The following USP38 variants were observed in gnomAD, a reference collection of about 807,000 sequenced individuals.
USP38 encodes ubiquitin carboxyl-terminal hydrolase 38.
USP38 carries 49 observed loss-of-function variants against 94.3 expected under a neutral mutation model. The ratio of observed to expected loss-of-function variants is 0.52; its 90% CI spans 0.41 to 0.66. The LOEUF (loss-of-function observed/expected upper bound fraction) is 0.66, where lower values mean the gene tolerates loss of function less well. Among genes scored for constraint, USP38 ranks in the 30% least tolerant of loss-of-function variants. The pLI is 0.00. For synonymous variants in USP38, 468 were observed against 463.6 expected (o/e 1.01, Z -0.12); for missense variants, 1,128 against 1,229.4 (o/e 0.92, Z 1.23).
rs895796236 is a variant in USP38 at position 143,190,023 on chromosome 4, A to AT, written c.818+2067dup. Among the ~76,000 whole-genome samples the AT allele has an allele frequency of 1.5e-3, 231 of 151,994 alleles. 1 individual carries two copies. Among genetic ancestry groups the AT allele is most frequent in the African/African-American group, 5.3e-3 (221 of 41,476 alleles). ...TATGTGAAGTTCTCATTGTTCATTT[A>AT]TTTTTAAGAAACTGTTATCTTGTTC... On this transcript the variant is annotated intron_variant, in intron 2 of 9. Coordinates refer to ENST00000307017, the MANE Select transcript of USP38 (RefSeq NM_032557.6).
At position 143,185,295 on chromosome 4, in the gene USP38, C is replaced by T. The variant is rs559742414; in HGVS notation, c.-156C>T. 3 of 804,046 alleles carry T rather than the reference C, an allele frequency of 3.7e-6. No individual in the cohort carries two copies. The South Asian group carries it at 5.5e-5, about 15-fold the overall frequency. 49.8% of individuals were successfully genotyped at this position (804,046 alleles called of 1,614,324 possible). On this transcript the variant is annotated 5_prime_UTR_variant, in exon 1 of 10. Transcript: ENST00000307017. ...CCGGCTTGGATGGGTCTCCCTGCGCCATAAATGTGGCTGCTGAGGCGGCGG... is the reference window on the plus strand; with the variant it reads ...CCGGCTTGGATGGGTCTCCCTGCGCTATAAATGTGGCTGCTGAGGCGGCGG...
intron 7 of USP38, among the ~76,000 whole-genome samples, chr4:143,210,157 G>A (rs559395944): frequency 2.6e-5 from 4 of 152,118 alleles, no homozygotes; most frequent in South Asian, 4.2e-4. Flanking sequence ...TTAAAATTTC[G>A]TGGTGATCTT....
intron 4 of USP38, among the ~76,000 whole-genome samples, chr4:143,200,838 A>G (rs756093478): frequency 2.0e-5 from 3 of 152,182 alleles, no homozygotes; most frequent in Admixed American, 2.0e-4. Flanking sequence ...AAAGATCTCT[A>G]CAATGAGAAA....
At chr4:143,217,071 C>T (rs1732205898) in intron 9 of USP38, among the ~76,000 whole-genome samples, 1 of 152,152 alleles carries the variant, frequency 6.6e-6, no homozygotes, top group Non-Finnish European at 1.5e-5. Context: ...CTTGGCCTCC[C>T]AAAGTGCTAG....
rs573162630 is a variant in USP38, at chr4:143,205,026, G to A, written c.1210-1007G>A. Among the ~76,000 whole-genome samples, 195 of 152,306 alleles carry A rather than the reference G, an allele frequency of 1.3e-3. 1 individual carries two copies. The highest frequency in any genetic ancestry group is 2.4e-3 in the Non-Finnish European group (165 of 68,028). ...GTGACACTTTGACACTTCAGAAGTAGATTATGTTCAGGAGCATTGTGAAGT... is the reference window on the plus strand; with the variant it reads ...GTGACACTTTGACACTTCAGAAGTAAATTATGTTCAGGAGCATTGTGAAGT... On this transcript the variant is annotated intron_variant, in intron 5 of 9. Transcript: ENST00000307017.
At chr4:143,190,369 TTAGA>T (rs1488285039) in intron 2 of USP38, among the ~76,000 whole-genome samples, 5 of 152,058 alleles carry the variant, frequency 3.3e-5, no homozygotes, top group African/African-American at 1.2e-4. Flanking sequence ...AACTGAGAGG[TTAGA>T]TAATTTACCC....
At chr4:143,209,483 C>CTT in intron 6 of USP38, 81 bp from the exon 7 acceptor site, 1 of 820,978 alleles carries the variant, frequency 1.2e-6, no homozygotes, top group South Asian at 1.9e-5. Context: ...AAAGGAAACT[C>CTT]TGTCTCAAAA....
rs772251905 is a variant in USP38 at position 143,185,530 on chromosome 4, A to C, written c.80A>C (p.Glu27Ala). ...CGGGTGATTGTGCGGAAGGTGGTGG[A>C]ATCGGCGGAGCACTGGCTAGACGAG... ...LKRVIVRKVV[E>A]SAEHWLDEAQ... The change falls in exon 1 of 10, where the codon GAA becomes GCA. Residue 27 changes from glutamate to alanine, a missense_variant. Physicochemically the swap from Glu to Ala is moderately radical, Grantham distance 107 (BLOSUM62 -1). Transcript: ENST00000307017. 3 of 1,613,546 alleles carry C rather than the reference A, an allele frequency of 1.9e-6. No individual in the cohort carries two copies. In the Admixed American group the frequency reaches 5.0e-5, roughly 27 times the overall value.
intron 5 of USP38, among the ~76,000 whole-genome samples, chr4:143,205,136 T>C (rs1243164549): frequency 6.6e-6 from 1 of 152,222 alleles, no homozygotes; most frequent in Non-Finnish European, 1.5e-5. Context: ...TGATTGCCAT[T>C]GTTTAGTTCA....
chr4:143,195,854 G>A lies in USP38; in HGVS notation c.948+9G>A, dbSNP rs1731531345. ...TGCTGAAAATAGAACTGGTAAGTGG[G>A]AGTATGGAAATCTATTAGAATATAT... On this transcript the variant is annotated intron_variant, in intron 3 of 9. Transcript: ENST00000307017. The A allele has an allele frequency of 1.2e-6, 2 of 1,605,362 alleles. No homozygotes were observed. The highest frequency in any genetic ancestry group is 1.7e-6 in the Non-Finnish European group (2 of 1,176,714).
At chr4:143,190,795 A>C (rs1317883916) in intron 2 of USP38, among the ~76,000 whole-genome samples, 2 of 151,942 alleles carry the variant, frequency 1.3e-5, no homozygotes, top group Non-Finnish European at 1.5e-5. Flanking sequence ...TACTTTTCTT[A>C]TGTCAACCAT....
chr4:143,207,184 A>C (rs1219113751), intron 6 of USP38, among the ~76,000 whole-genome samples: 3 of 152,220 alleles, frequency 2.0e-5, no homozygotes, highest in African/African-American at 7.2e-5. Context: ...AAAGAGGTTT[A>C]CAAATTAAGT....
At chr4:143,199,500 C>A (rs1731650282) in intron 4 of USP38, among the ~76,000 whole-genome samples, 1 of 152,118 alleles carries the variant, frequency 6.6e-6, no homozygotes, top group African/African-American at 2.4e-5. Context: ...GGTGTATACC[C>A]CATAATAGGA....
At chr4:143,216,239 A>G (rs1303058973) in intron 9 of USP38, among the ~76,000 whole-genome samples, 1 of 151,884 alleles carries the variant, frequency 6.6e-6, no homozygotes. Context: ...TTATTTTAAG[A>G]CTCGTATGTT....
chr4:143,216,019 T>C (rs1581169527), intron 9 of USP38, among the ~76,000 whole-genome samples: 2 of 152,098 alleles, frequency 1.3e-5, no homozygotes, highest in East Asian at 1.9e-4. Context: ...TTACTAGATA[T>C]CATATAAACA....
intron 9 of USP38, chr4:143,215,240 C>A: frequency 2.9e-6 from 1 of 347,628 alleles, no homozygotes; most frequent in Non-Finnish European, 5.3e-6. Flanking sequence ...GTGGACATAT[C>A]CTCCCTCTTC....
intron 4 of USP38, 37 bp downstream of exon 4, chr4:143,197,961 C>G (rs750998283): frequency 6.1e-6 from 9 of 1,470,048 alleles, no homozygotes; most frequent in Non-Finnish European, 8.4e-6. Flanking sequence ...TTGAAAAAGC[C>G]TCAATTTGAA....
In USP38 at chr4:143,187,812, A is replaced by G. The variant is rs1245257727; in HGVS notation, c.683-14A>G. The G allele has an allele frequency of 6.3e-7, 1 of 1,592,280 alleles. No individual in the cohort carries two copies. The highest frequency in any genetic ancestry group is 8.5e-7 in the Non-Finnish European group (1 of 1,171,876). On this transcript the variant is annotated splice_polypyrimidine_tract_variant and intron_variant, in intron 1 of 9. Transcript: ENST00000307017. ...ACTTGCCATGTTCCCTTTTCTTTTT[A>G]ATTGAAAAAACAGATGCATCATTTG...
chr4:143,186,049 A>G lies in USP38; in HGVS notation c.599A>G (p.Asn200Ser), dbSNP rs1467184753. The G allele has an allele frequency of 6.2e-7, 1 of 1,614,090 alleles. No homozygotes were observed. The highest frequency in any genetic ancestry group is 8.5e-7 in the Non-Finnish European group (1 of 1,180,046). ...GTCTCCCAGGTGACAAAAGTGAGTA[A>G]CTTGCTGCAGAACATCTGGAAGGCC... ...EYVSQVTKVS[N>S]LLQNIWKAEP... Residue 200 changes from asparagine (N) to serine (S), a missense_variant, in exon 1 of 10, where the codon AAC becomes AGC. By Grantham distance (46) the Asn-to-Ser change is conservative (BLOSUM62 1). Coordinates refer to ENST00000307017, the MANE Select transcript of USP38 (RefSeq NM_032557.6).
Sources: allele counts gnomAD v4.1 joint callset (sites outside exome capture counted in the v4.1 genomes callset), GRCh38; gene constraint gnomAD v4.1.1; transcripts MANE v1.5; gene names NCBI Gene and HGNC (gene_info 2026-07-23, HGNC 2026-07-21).